WASHC2C: variants seen among roughly 807,000 people sequenced by gnomAD.
The protein encoded by WASHC2C is Vaccinia Penetration Factor.
WASHC2C carries 73 observed loss-of-function variants against 142.2 expected under a neutral mutation model. That is an observed-to-expected ratio of 0.51 (90% CI 0.43 to 0.62). The LOEUF is 0.62. Ranked by LOEUF, WASHC2C falls within the 20% of genes least tolerant of loss-of-function variation. The pLI is 0.00. For synonymous variants in WASHC2C, 337 were observed against 565.5 expected (o/e 0.60, Z 5.73); for missense variants, 969 against 1,531.7 (o/e 0.63, Z 6.13).
rs1554883882 is a variant in WASHC2C, at chr10:45,769,634, G to T, written c.2039+16G>T. On this transcript the variant is annotated intron_variant, in intron 20 of 30. Coordinates refer to ENST00000623400, the MANE Select transcript of WASHC2C (RefSeq NM_001330074.2). ...CCAAGGACAGGTGAGATAGTCATTG[G>T]AAGGAGTCCCTCACTCCATTACCGT... 1 of 1,611,902 alleles carries T rather than the reference G, an allele frequency of 6.2e-7. No individual in the cohort carries two copies.
At chr10:45,784,272 A>ATATACG (rs2057798793) in intron 23 of WASHC2C, among the ~76,000 whole-genome samples, 7 of 5,984 alleles carry the variant, frequency 1.2e-3, no homozygotes, top group Admixed American at 3.5e-3. Flanking sequence ...ATATATATAT[A>ATATACG]TATATATATA....
chr10:45,727,964 T>G (rs2050091028), intron 2 of WASHC2C, among the ~76,000 whole-genome samples: 1 of 152,174 alleles, frequency 6.6e-6, no homozygotes, highest in Non-Finnish European at 1.5e-5. Context: ...ATGAATAGGA[T>G]TTTTGAATAA....
At chr10:45,752,525 G>A (rs530437469) in intron 11 of WASHC2C, 63 bp from the exon 12 acceptor site, 20 of 1,370,622 alleles carry the variant, frequency 1.5e-5, no homozygotes, top group Admixed American at 6.8e-5. Context: ...ATGCCAACCC[G>A]GGAATTTGAG....
intron 15 of WASHC2C, among the ~76,000 whole-genome samples, chr10:45,755,796 C>T (rs1462068290): frequency 4.6e-5 from 7 of 151,568 alleles, no homozygotes; most frequent in African/African-American, 1.7e-4. Flanking sequence ...ATTGACTGCT[C>T]TTCCAGAAAA....
intron 3 of WASHC2C, among the ~76,000 whole-genome samples, chr10:45,735,247 G>A (rs1274605846): frequency 1.3e-5 from 2 of 150,948 alleles, no homozygotes; most frequent in South Asian, 4.2e-4. Flanking sequence ...TTATTTTTTT[G>A]AAATAGAGTT....
At chr10:45,771,974 A>G (rs1377517319) in intron 20 of WASHC2C, among the ~76,000 whole-genome samples, 1 of 152,256 alleles carries the variant, frequency 6.6e-6, no homozygotes, top group African/African-American at 2.4e-5. Context: ...CCTTAGTCAT[A>G]ACAGCCGAAA....
intron 17 of WASHC2C, among the ~76,000 whole-genome samples, chr10:45,761,818 G>A (rs1476253885): frequency 1.3e-5 from 2 of 152,146 alleles, no homozygotes; most frequent in Non-Finnish European, 2.9e-5. Context: ...TAGAACAGCA[G>A]AACCCTTTCT....
chr10:45,759,547 T>C lies in WASHC2C; in HGVS notation c.1635+146T>C, dbSNP rs191355701. On this transcript the variant is annotated intron_variant, in intron 17 of 30. Coordinates refer to ENST00000623400, the MANE Select transcript of WASHC2C (RefSeq NM_001330074.2). ...AAAAATTATCTCTAGAGGCAAGGAG[T>C]GGTGGTTCATGCCTGTAATCCCAGC... is the stretch of plus-strand genomic sequence containing the variant. The C allele has an allele frequency of 1.1e-4, 157 of 1,458,082 alleles. 2 individuals carry two copies. In the Middle Eastern group the frequency reaches 1.5e-3, roughly 14 times the overall value. 90.3% of individuals were successfully genotyped at this position (1,458,082 alleles called of 1,614,324 possible). A position where few individuals can be genotyped will look rare whatever the true frequency, so the allele number is the denominator to read the frequency against.
chr10:45,779,885 T>C (rs2057363329), intron 23 of WASHC2C, among the ~76,000 whole-genome samples: 1 of 151,790 alleles, frequency 6.6e-6, no homozygotes, highest in Non-Finnish European at 1.5e-5. Flanking sequence ...CTTGGGAGGC[T>C]GAGGCAGGAG....
chr10:45,759,628 G>C (rs1589767510), intron 17 of WASHC2C, among the ~76,000 whole-genome samples: 1 of 152,188 alleles, frequency 6.6e-6, no homozygotes, highest in South Asian at 2.1e-4. Flanking sequence ...AGACCAGGCT[G>C]GCCAACATGA....
intron 5 of WASHC2C, among the ~76,000 whole-genome samples, chr10:45,742,306 T>TA: frequency 6.6e-5 from 10 of 152,212 alleles, no homozygotes; most frequent in Non-Finnish European, 1.3e-4. Context: ...GTTATAATCT[T>TA]TTTTATTTAT....
At chr10:45,789,514 T>G in intron 29 of WASHC2C, 23 bp downstream of exon 29, 1 of 1,611,988 alleles carries the variant, frequency 6.2e-7, no homozygotes, top group East Asian at 2.2e-5. Context: ...AACACGTTTT[T>G]GTGTCTGTTC....
intron 8 of WASHC2C, among the ~76,000 whole-genome samples, chr10:45,748,364 A>G (rs1459008269): frequency 7.5e-6 from 1 of 132,762 alleles, no homozygotes. Flanking sequence ...ATATTGGTTC[A>G]CTCCAACCTC....
intron 4 of WASHC2C, among the ~76,000 whole-genome samples, chr10:45,738,295 C>G (rs2051537650): frequency 6.6e-6 from 1 of 151,052 alleles, no homozygotes; most frequent in South Asian, 2.1e-4. Context: ...TGTAAAGGGC[C>G]AGATAGTACA....
In WASHC2C at chr10:45,789,506, C is replaced by T. The variant is rs1249650317; in HGVS notation, c.3708+15C>T. 10 of 1,611,888 alleles carry T rather than the reference C, an allele frequency of 6.2e-6. No homozygotes were observed. The highest frequency in any genetic ancestry group is 4.5e-4 in the Middle Eastern group (2 of 4,452). ...ATATTTTTGAGGTAATAGGACTTAA[C>T]ACGTTTTTGTGTCTGTTCTAAGTTA... is the stretch of plus-strand genomic sequence containing the variant. On this transcript the variant is annotated intron_variant, in intron 29 of 30. Transcript: ENST00000623400.
intron 27 of WASHC2C, 134 bp from the exon 28 acceptor site, chr10:45,786,901 T>A: frequency 6.2e-7 from 1 of 1,602,000 alleles, no homozygotes; most frequent in Non-Finnish European, 8.5e-7. Flanking sequence ...GAGACTAGAT[T>A]GGGCGATTTT....
chr10:45,748,283 C>CTTTTTTTT (rs1160119861), intron 8 of WASHC2C, among the ~76,000 whole-genome samples: 10 of 57,192 alleles, frequency 1.7e-4, no homozygotes, highest in African/African-American at 3.2e-4. Context: ...TTTTTCTTTC[C>CTTTTTTTT]TTTTTTTTTT....
At chr10:45,736,130 G>A (rs1424185482) in intron 3 of WASHC2C, among the ~76,000 whole-genome samples, 2 of 148,738 alleles carry the variant, frequency 1.3e-5, no homozygotes, top group African/African-American at 2.5e-5. Flanking sequence ...AATGCAGGCC[G>A]GGCATGGTGG....
chr10:45,782,479 G>T (rs1368342767), intron 23 of WASHC2C, among the ~76,000 whole-genome samples: 1 of 150,088 alleles, frequency 6.7e-6, no homozygotes. Flanking sequence ...TGGTAAGGAT[G>T]TGGATAAATG....
Sources: allele counts gnomAD v4.1 joint callset (sites outside exome capture counted in the v4.1 genomes callset), GRCh38; gene constraint gnomAD v4.1.1; transcripts MANE v1.5; gene names NCBI Gene and HGNC (gene_info 2026-07-23, HGNC 2026-07-21).